BCAR3: variants seen among roughly 807,000 people sequenced by gnomAD.
The protein encoded by BCAR3 is breast cancer anti-estrogen resistance protein 3.
A neutral mutation model predicts 80.1 loss-of-function variants in BCAR3; 37 were observed. The ratio of observed to expected loss-of-function variants is 0.46; its 90% confidence interval spans 0.36 to 0.61. BCAR3 has a LOEUF of 0.61. Ranked by LOEUF, BCAR3 falls within the 20% of genes least tolerant of loss-of-function variation. The probability of loss-of-function intolerance (pLI) is 0.00; values close to 1 mark genes in which losing one functional copy is unlikely to be tolerated. For synonymous variants in BCAR3, 389 were observed against 418.9 expected, an observed-to-expected ratio of 0.93 and a Z score of 0.87; for missense variants, 978 against 1,068.2, an observed-to-expected ratio of 0.92 and a Z score of 1.18.
chr1:93,568,195 A>T (rs3754189), intron 9 of BCAR3: 7,852 of 158,450 alleles, frequency 0.05, 318 homozygotes, highest in East Asian at 0.14. Flanking sequence ...CAAAAAAAAA[A>T]AAATAAATAA....
chr1:93,758,312 A>G (rs1305590711), intron 2 of BCAR3, among the ~76,000 whole-genome samples: 1 of 152,214 alleles, frequency 6.6e-6, no homozygotes, highest in East Asian at 1.9e-4. Context: ...ATACAGGGCC[A>G]GGGGAGGACA....
intron 3 of BCAR3, among the ~76,000 whole-genome samples, chr1:93,705,209 G>A (rs971282048): frequency 2.6e-5 from 4 of 152,154 alleles, no homozygotes; most frequent in Non-Finnish European, 5.9e-5. Flanking sequence ...CACGGGCTGG[G>A]TGGTATGTAA....
At chr1:93,619,853 T>C (rs1027467210) in intron 3 of BCAR3, among the ~76,000 whole-genome samples, 3 of 152,020 alleles carry the variant, frequency 2.0e-5, no homozygotes, top group Non-Finnish European at 4.4e-5. Flanking sequence ...ACCCTGGAGG[T>C]AGGAGGCTAG....
chr1:93,734,828 T>C (rs895671152), intron 2 of BCAR3, among the ~76,000 whole-genome samples: 1 of 152,152 alleles, frequency 6.6e-6, no homozygotes, highest in Non-Finnish European at 1.5e-5. Flanking sequence ...AGCACGGGGC[T>C]TTCTGTGCGA....
At chr1:93,625,453 C>G (rs995981088) in intron 3 of BCAR3, among the ~76,000 whole-genome samples, 1 of 152,178 alleles carries the variant, frequency 6.6e-6, no homozygotes, top group Non-Finnish European at 1.5e-5. Flanking sequence ...CAGACCCCTT[C>G]AAAATACACC....
intron 2 of BCAR3, among the ~76,000 whole-genome samples, chr1:93,668,399 C>T (rs749549046): frequency 2.6e-5 from 4 of 152,182 alleles, no homozygotes; most frequent in Non-Finnish European, 5.9e-5. Context: ...CCAGGAGCAG[C>T]GCAAGATGCA....
intron 4 of BCAR3, chr1:93,590,350 A>G (rs1243992001): frequency 1.3e-5 from 2 of 152,240 alleles, no homozygotes; most frequent in Non-Finnish European, 2.9e-5. Flanking sequence ...GACAAATTAC[A>G]TAATCTCCTT....
At chr1:93,620,510 G>T (rs74528956) in intron 3 of BCAR3, among the ~76,000 whole-genome samples, 2,394 of 152,150 alleles carry the variant, frequency 0.016, 27 homozygotes, top group Non-Finnish European at 0.022. Flanking sequence ...ATCTGACTGG[G>T]GATCCTGTGG....
chr1:93,778,300 T>C (rs1652646061), intron 2 of BCAR3, among the ~76,000 whole-genome samples: 1 of 152,246 alleles, frequency 6.6e-6, no homozygotes, highest in African/African-American at 2.4e-5. Flanking sequence ...TAAGAAAATG[T>C]ATCATTAGTT....
intron 2 of BCAR3, among the ~76,000 whole-genome samples, chr1:93,805,724 C>G (rs1196205163): frequency 6.6e-6 from 1 of 152,070 alleles, no homozygotes; most frequent in East Asian, 1.9e-4. Flanking sequence ...AGTAAACAAA[C>G]ATGAGAGGAA....
chr1:93,800,252 C>A (rs1437431819), intron 2 of BCAR3, among the ~76,000 whole-genome samples: 3 of 151,920 alleles, frequency 2.0e-5, no homozygotes, highest in African/African-American at 7.3e-5. Flanking sequence ...TGATTCAGAC[C>A]ATAAATAATT....
intron 2 of BCAR3, among the ~76,000 whole-genome samples, chr1:93,723,116 A>T (rs1429927784): frequency 6.6e-6 from 1 of 152,188 alleles, no homozygotes; most frequent in Non-Finnish European, 1.5e-5. Context: ...TAGCTGGAAA[A>T]AAACAATTTT....
intron 2 of BCAR3, among the ~76,000 whole-genome samples, chr1:93,812,763 C>T (rs993821797): frequency 3.9e-4 from 60 of 152,262 alleles, no homozygotes; most frequent in African/African-American, 1.4e-3. Flanking sequence ...TCTGCAACAC[C>T]ACTGCAACTC....
chr1:93,678,682 A>G (rs1648605864), intron 1 of BCAR3, among the ~76,000 whole-genome samples: 1 of 152,258 alleles, frequency 6.6e-6, no homozygotes, highest in Non-Finnish European at 1.5e-5. Flanking sequence ...AACAGGATGA[A>G]CTGACAAAGG....
intron 2 of BCAR3, among the ~76,000 whole-genome samples, chr1:93,811,475 C>T (rs12410342): frequency 0.14 from 21,500 of 152,192 alleles, 2,470 homozygotes; most frequent in African/African-American, 0.31. Context: ...GTATCAGAGA[C>T]AGAGATAAGT....
chr1:93,831,208 G>A (rs1481084542), intron 2 of BCAR3, among the ~76,000 whole-genome samples: 1 of 152,072 alleles, frequency 6.6e-6, no homozygotes, highest in South Asian at 2.1e-4. Context: ...CAACTGCAGG[G>A]ACACCTGCTT....
intron 3 of BCAR3, among the ~76,000 whole-genome samples, chr1:93,637,806 C>T (rs1217924823): frequency 6.6e-6 from 1 of 152,172 alleles, no homozygotes; most frequent in African/African-American, 2.4e-5. Context: ...CCACTGGCTA[C>T]AAGATTTTCC....
intron 2 of BCAR3, among the ~76,000 whole-genome samples, chr1:93,836,702 T>G (rs1015975433): frequency 6.6e-6 from 1 of 152,132 alleles, no homozygotes; most frequent in African/African-American, 2.4e-5. Flanking sequence ...AGCCCAAGCC[T>G]GCATGTATAC....
At chr1:93,663,975 A>G (rs1471695803) in intron 2 of BCAR3, among the ~76,000 whole-genome samples, 1 of 152,198 alleles carries the variant, frequency 6.6e-6, no homozygotes, top group Non-Finnish European at 1.5e-5. Context: ...TGTGTTTATC[A>G]TGTACCTCGA....
Sources: allele counts gnomAD v4.1 joint callset (sites outside exome capture counted in the v4.1 genomes callset), GRCh38; gene constraint gnomAD v4.1.1; transcripts MANE v1.5; gene names NCBI Gene and HGNC (gene_info 2026-07-23, HGNC 2026-07-21).